APBB2: variants seen among roughly 807,000 people sequenced by gnomAD.
The protein encoded by APBB2 is amyloid beta precursor protein binding family B member 2.
A neutral mutation model predicts 82.5 loss-of-function variants in APBB2; 38 were observed. That is an observed-to-expected ratio of 0.46 (90% CI 0.36 to 0.60). The LOEUF is 0.60. Among genes scored for constraint, APBB2 ranks in the 20% least tolerant of loss-of-function variants. The pLI is 0.00. For missense variants in APBB2, 772 were observed against 972.3 expected, an observed-to-expected ratio of 0.79 and a Z score of 2.74; for synonymous variants, 341 against 368.2, an observed-to-expected ratio of 0.93 and a Z score of 0.85.
chr4:40,887,095 ACTC>A (rs1452339220), intron 12 of APBB2, among the ~76,000 whole-genome samples: 1 of 151,830 alleles, frequency 6.6e-6, no homozygotes, highest in Non-Finnish European at 1.5e-5. Context: ...ATGTGACTCA[ACTC>A]CTTGTGCTGT....
At chr4:40,890,571 C>T (rs559678764) in intron 11 of APBB2, 80 bp from the exon 12 acceptor site, 1,211 of 1,554,060 alleles carry the variant, frequency 7.8e-4, no homozygotes, top group Non-Finnish European at 9.8e-4. Context: ...TCTAGGAATG[C>T]CGTGTCAACC....
chr4:41,169,168 A>G (rs1352935894), intron 1 of APBB2, among the ~76,000 whole-genome samples: 1 of 135,654 alleles, frequency 7.4e-6, no homozygotes, highest in Admixed American at 7.7e-5. Flanking sequence ...TTGGCGACAG[A>G]GCAACACTCC....
intron 1 of APBB2, among the ~76,000 whole-genome samples, chr4:41,169,139 T>C (rs917570284): frequency 2.8e-5 from 4 of 140,362 alleles, no homozygotes; most frequent in Non-Finnish European, 6.0e-5. Flanking sequence ...GAGCTGAGAT[T>C]GCGCCACTGC....
intron 2 of APBB2, among the ~76,000 whole-genome samples, chr4:41,126,416 T>C (rs910415441): frequency 1.3e-5 from 2 of 151,710 alleles, no homozygotes; most frequent in Non-Finnish European, 1.5e-5. Flanking sequence ...CAGAAGAAAA[T>C]GATCAGAAAT....
intron 12 of APBB2, among the ~76,000 whole-genome samples, chr4:40,868,570 T>C (rs1206332237): frequency 1.3e-5 from 2 of 152,220 alleles, no homozygotes; most frequent in Non-Finnish European, 2.9e-5. Context: ...CAGTCTACTT[T>C]GATGGTTTCT....
intron 4 of APBB2, among the ~76,000 whole-genome samples, chr4:41,056,965 T>C (rs1425268543): frequency 1.3e-5 from 2 of 152,144 alleles, no homozygotes; most frequent in Non-Finnish European, 2.9e-5. Flanking sequence ...AAATAACTAA[T>C]ATGTAACATA....
chr4:41,171,282 G>GTAT (rs1355451070), intron 1 of APBB2, among the ~76,000 whole-genome samples: 2 of 152,156 alleles, frequency 1.3e-5, no homozygotes, highest in Non-Finnish European at 2.9e-5. Context: ...GCCAGCCCCT[G>GTAT]GACTATAGTG....
chr4:41,199,597 A>T (rs765548187), intron 1 of APBB2, among the ~76,000 whole-genome samples: 2 of 152,192 alleles, frequency 1.3e-5, no homozygotes, highest in Non-Finnish European at 2.9e-5. Context: ...TATTTGTTAA[A>T]CTCTTAATAG....
At chr4:41,039,634 G>A (rs193079953) in intron 4 of APBB2, among the ~76,000 whole-genome samples, 75 of 152,176 alleles carry the variant, frequency 4.9e-4, no homozygotes, top group African/African-American at 1.7e-3. Flanking sequence ...CTAGGCAGGC[G>A]GATTGCTTGA....
At chr4:41,203,179 C>G (rs1320844867) in intron 1 of APBB2, among the ~76,000 whole-genome samples, 2 of 150,632 alleles carry the variant, frequency 1.3e-5, no homozygotes, top group Non-Finnish European at 2.9e-5. Context: ...CTTATTTCTA[C>G]TTGCAGCTTG....
At chr4:41,064,112 G>A (rs1730824744) in intron 4 of APBB2, among the ~76,000 whole-genome samples, 3 of 152,018 alleles carry the variant, frequency 2.0e-5, no homozygotes, top group African/African-American at 4.8e-5. Context: ...CCGAGTAGCT[G>A]GGACTACAGG....
chr4:40,833,522 G>T (rs574065979), intron 12 of APBB2, among the ~76,000 whole-genome samples: 1 of 151,932 alleles, frequency 6.6e-6, no homozygotes, highest in South Asian at 2.1e-4. Flanking sequence ...AATGCCCACG[G>T]TATTTACATT....
intron 1 of APBB2, among the ~76,000 whole-genome samples, chr4:41,182,800 A>T (rs1343075705): frequency 1.3e-5 from 2 of 152,108 alleles, no homozygotes; most frequent in Admixed American, 1.3e-4. Context: ...AAACCATCAG[A>T]TATTGTGAGA....
intron 1 of APBB2, among the ~76,000 whole-genome samples, chr4:41,178,097 T>C (rs1770317640): frequency 6.6e-6 from 1 of 152,176 alleles, no homozygotes; most frequent in Non-Finnish European, 1.5e-5. Context: ...TAACTAAAAA[T>C]AGATGTTCAC....
chr4:41,154,525 G>A (rs1427403357), intron 1 of APBB2, among the ~76,000 whole-genome samples: 1 of 152,100 alleles, frequency 6.6e-6, no homozygotes. Flanking sequence ...TCTATGGACT[G>A]TAAACTTTCA....
intron 2 of APBB2, among the ~76,000 whole-genome samples, chr4:41,114,562 T>C (rs1560789086): frequency 2.0e-5 from 3 of 152,308 alleles, no homozygotes; most frequent in Middle Eastern, 6.8e-3. Context: ...TGATTGTGTA[T>C]TTAGAAAGCC....
At chr4:41,033,204 T>C in intron 5 of APBB2, 32 bp downstream of exon 5, 4 of 1,373,052 alleles carry the variant, frequency 2.9e-6, no homozygotes, top group Non-Finnish European at 4.1e-6. Context: ...CAACTGCTTC[T>C]CTGCATTGAA....
chr4:41,164,916 T>TA (rs1463034706), intron 1 of APBB2, among the ~76,000 whole-genome samples: 2 of 152,240 alleles, frequency 1.3e-5, no homozygotes, highest in Admixed American at 6.5e-5. Flanking sequence ...AAAATTAACA[T>TA]AGAGTCCATC....
chr4:41,175,190 T>C (rs1769418560), intron 1 of APBB2, among the ~76,000 whole-genome samples: 2 of 152,214 alleles, frequency 1.3e-5, no homozygotes, highest in Non-Finnish European at 2.9e-5. Context: ...TACATAGAGT[T>C]TGGTCAAAGT....
Sources: allele counts gnomAD v4.1 joint callset (sites outside exome capture counted in the v4.1 genomes callset), GRCh38; gene constraint gnomAD v4.1.1; transcripts MANE v1.5; gene names NCBI Gene and HGNC (gene_info 2026-07-23, HGNC 2026-07-21).